ADGRL3: variants seen among roughly 807,000 people sequenced by gnomAD.
ADGRL3 encodes the protein adhesion G protein-coupled receptor L3.
In ADGRL3, 62 loss-of-function variants were observed where a neutral mutation model predicts 153.5. That is an observed-to-expected ratio of 0.40 (90% CI 0.33 to 0.50). ADGRL3 has a LOEUF of 0.50. Ranked by LOEUF, ADGRL3 falls within the 20% of genes least tolerant of loss-of-function variation. The probability of loss-of-function intolerance (pLI) is 0.47; values close to 1 mark genes in which losing one functional copy is unlikely to be tolerated. For missense variants in ADGRL3, 1,641 were observed against 1,859.4 expected (o/e 0.88, Z 2.16); for synonymous variants, 710 against 672.5 (o/e 1.06, Z -0.86).
intron 1 of ADGRL3, among the ~76,000 whole-genome samples, chr4:61,349,812 A>C (rs2096002970): frequency 6.6e-6 from 1 of 152,122 alleles, no homozygotes; most frequent in Admixed American, 6.6e-5. Context: ...CTGGCTCCTA[A>C]AATTGTACCT....
At chr4:61,532,555 CGT>C (rs56053700) in intron 4 of ADGRL3, among the ~76,000 whole-genome samples, 17 of 131,472 alleles carry the variant, frequency 1.3e-4, no homozygotes, top group African/African-American at 4.3e-4. Context: ...CGCGCGCGCG[CGT>C]GTGTGTGTGT....
chr4:61,887,224 C>A (rs756937878), intron 9 of ADGRL3, among the ~76,000 whole-genome samples: 1 of 151,880 alleles, frequency 6.6e-6, no homozygotes, highest in Non-Finnish European at 1.5e-5. Flanking sequence ...TTAGAAGATG[C>A]CCATCCCAAA....
chr4:61,597,174 G>A (rs1024572357), intron 5 of ADGRL3, among the ~76,000 whole-genome samples: 3 of 151,910 alleles, frequency 2.0e-5, no homozygotes, highest in African/African-American at 7.3e-5. Context: ...ATAAACATTT[G>A]GAGCTGTTTC....
intron 6 of ADGRL3, among the ~76,000 whole-genome samples, chr4:61,685,796 A>G (rs1245622952): frequency 6.6e-6 from 1 of 152,126 alleles, no homozygotes; most frequent in African/African-American, 2.4e-5. Flanking sequence ...TGCAGAAGAG[A>G]ATTGAATAAA....
At chr4:61,912,809 G>T in intron 13 of ADGRL3, 52 bp downstream of exon 13, 1 of 1,525,952 alleles carries the variant, frequency 6.6e-7, no homozygotes, top group South Asian at 1.1e-5. Context: ...TCTCTGTTGT[G>T]ATGGCATGAA....
At chr4:61,425,935 C>A (rs1400390293) in intron 2 of ADGRL3, among the ~76,000 whole-genome samples, 2 of 152,174 alleles carry the variant, frequency 1.3e-5, no homozygotes, top group African/African-American at 4.8e-5. Context: ...CAGCAGATTA[C>A]CATTCGTCCC....
intron 6 of ADGRL3, among the ~76,000 whole-genome samples, chr4:61,691,146 G>C (rs1561070024): frequency 6.6e-6 from 1 of 152,126 alleles, no homozygotes; most frequent in Non-Finnish European, 1.5e-5. Flanking sequence ...GATATGGTCT[G>C]CATTTGTGAT....
At chr4:61,580,194 G>A (rs983953639) in intron 4 of ADGRL3, among the ~76,000 whole-genome samples, 13 of 152,008 alleles carry the variant, frequency 8.6e-5, no homozygotes, top group Non-Finnish European at 1.6e-4. Context: ...CATTAGCCTT[G>A]ACTTACAAAT....
chr4:62,010,725 ATT>A (rs2099182032), intron 21 of ADGRL3, among the ~76,000 whole-genome samples: 2 of 152,070 alleles, frequency 1.3e-5, no homozygotes, highest in African/African-American at 4.8e-5. Flanking sequence ...AATTATTGTA[ATT>A]TATCTGTCTT....
At chr4:61,291,567 C>CATATATATATATATACATATAT (rs1422537395) in intron 1 of ADGRL3, among the ~76,000 whole-genome samples, 5 of 134,378 alleles carry the variant, frequency 3.7e-5, no homozygotes, top group South Asian at 4.7e-4. Flanking sequence ...TATATATATA[C>CATATATATATATATACATATAT]ATATATATAT....
rs970692675 is a variant in ADGRL3 at position 61,476,389 on chromosome 4, G to A, written c.-173-20732G>A. Among the ~76,000 whole-genome samples, 3 of 151,930 alleles carry A rather than the reference G, an allele frequency of 2.0e-5. No individual in the cohort carries two copies. The East Asian group carries it at 5.9e-4, about 30-fold the overall frequency. ...TTACAGGCACACACCGCCATGCCTG[G>A]CTAATTTTTGTAGTTTTAGAAAAGA... is the stretch of plus-strand genomic sequence containing the variant. On this transcript the variant is annotated intron_variant, in intron 2 of 26. Transcript: ENST00000683033.
At position 61,517,401 on chromosome 4, in the gene ADGRL3, C is replaced by G. The variant is rs1249473834; in HGVS notation, c.142C>G (p.His48Asp). 1 of 742,842 alleles carries G rather than the reference C, an allele frequency of 1.3e-6. No homozygotes were observed. Among genetic ancestry groups the G allele is most frequent in the Non-Finnish European group, 2.4e-6 (1 of 421,414 alleles). The allele number at this position is 742,842 out of a possible 1,614,324, so 46.0% of individuals were successfully genotyped here. A position where few individuals can be genotyped will look rare whatever the true frequency, so the allele number is the denominator to read the frequency against. The change falls in exon 4 of 27, where the codon CAT becomes GAT. Residue 48 changes from histidine (H) to aspartate (D), a missense_variant. Coordinates refer to ENST00000683033, the MANE Select transcript of ADGRL3 (RefSeq NM_001387552.1). ...RSPGGALPPR[H>D]LLQQPAAERT... is the part of the protein sequence containing the mutation. Reference sequence around the variant, plus strand: ...CCCAGGAGGCGCTCTTCCACCCAGACATCTGCTTCAGCAGCCAGCTGCAGA... The same window carrying G: ...CCCAGGAGGCGCTCTTCCACCCAGAGATCTGCTTCAGCAGCCAGCTGCAGA...
chr4:61,358,413 G>A (rs747163133), intron 1 of ADGRL3, among the ~76,000 whole-genome samples: 1 of 151,742 alleles, frequency 6.6e-6, no homozygotes, highest in Non-Finnish European at 1.5e-5. Flanking sequence ...CTGGCTAACA[G>A]GATGAAACCC....
At chr4:61,420,075 T>G (rs1431269011) in intron 2 of ADGRL3, among the ~76,000 whole-genome samples, 1 of 152,174 alleles carries the variant, frequency 6.6e-6, no homozygotes, top group African/African-American at 2.4e-5. Flanking sequence ...GTGCTGAGAT[T>G]ACAGGCGTGA....
At chr4:62,040,181 T>C (rs972876383) in intron 24 of ADGRL3, among the ~76,000 whole-genome samples, 2 of 152,076 alleles carry the variant, frequency 1.3e-5, no homozygotes, top group African/African-American at 4.8e-5. Context: ...ATTGAAGTAA[T>C]ATACACAAAA....
intron 6 of ADGRL3, among the ~76,000 whole-genome samples, chr4:61,697,303 G>A (rs2095660412): frequency 1.3e-5 from 2 of 152,150 alleles, no homozygotes; most frequent in Non-Finnish European, 2.9e-5. Context: ...GCACATGGCT[G>A]TAATCCCAGC....
chr4:61,265,374 A>G (rs1408623638), intron 1 of ADGRL3, among the ~76,000 whole-genome samples: 1 of 151,840 alleles, frequency 6.6e-6, no homozygotes, highest in Non-Finnish European at 1.5e-5. Flanking sequence ...GAGAGCTGCC[A>G]TATGCCTGAT....
chr4:62,006,626 T>A lies in ADGRL3; in HGVS notation c.3395+8361T>A, dbSNP rs2099160362. 2.6e-5 allele frequency among the ~76,000 whole-genome samples: 4 copies of A among 151,950 alleles called. No homozygotes were observed. The South Asian group carries it at 8.3e-4, about 32-fold the overall frequency. Reference sequence around the variant, plus strand: ...AGTGTTACTTATGTTTTATTTATTTTTGGTATTGGTTTCACTTTATATATC... The same window carrying A: ...AGTGTTACTTATGTTTTATTTATTTATGGTATTGGTTTCACTTTATATATC... On this transcript the variant is annotated intron_variant, in intron 21 of 26. Transcript: ENST00000683033.
rs1298011386 is a variant in ADGRL3, at chr4:61,430,556, ATTC to A, written c.-174+47373_-174+47375del. ...AAATGAAAATTTATTTCTATTTTTC[ATTC>A]TTCTTTTAGCCAATATATTTTATTC... On this transcript the variant is annotated intron_variant, in intron 2 of 26. Transcript: ENST00000683033. Among the ~76,000 whole-genome samples the A allele has an allele frequency of 5.9e-5, 9 of 152,284 alleles. No homozygotes were observed. In the South Asian group the frequency reaches 1.2e-3, roughly 21 times the overall value.
Sources: allele counts gnomAD v4.1 joint callset (sites outside exome capture counted in the v4.1 genomes callset), GRCh38; gene constraint gnomAD v4.1.1; transcripts MANE v1.5; gene names NCBI Gene and HGNC (gene_info 2026-07-23, HGNC 2026-07-21).